The following OSBPL10 variants were observed in gnomAD, a reference collection of about 807,000 sequenced individuals.
OSBPL10 encodes oxysterol-binding protein-related protein 10.
Under a neutral mutation model 81.7 loss-of-function variants are expected in OSBPL10, and 49 were observed. The ratio of observed to expected loss-of-function variants is 0.60; its 90% CI spans 0.48 to 0.76. The LOEUF is 0.76. Among genes scored for constraint, OSBPL10 ranks in the 30% least tolerant of loss-of-function variants. The pLI, the probability that OSBPL10 is intolerant of heterozygous loss-of-function variation, is 0.00. For missense variants in OSBPL10, 923 were observed against 987.8 expected (o/e 0.93, Z 0.88); for synonymous variants, 419 against 383.6 (o/e 1.09, Z -1.08).
In OSBPL10 at chr3:31,661,538, G is replaced by A. The variant is rs1394752558; in HGVS notation, c.*534C>T. 2 of 152,220 alleles carry A rather than the reference G, an allele frequency of 1.3e-5. No homozygotes were observed. Among genetic ancestry groups the A allele is most frequent in the Non-Finnish European group, 2.9e-5 (2 of 68,066 alleles). The allele number at this position is 152,220 out of a possible 1,614,324, so 9.4% of individuals were successfully genotyped here. ...CTTGGGCGCGGACAGACAAAACACT[G>A]AGGTGGGGAGGGAGGTGAGAATCAC... On this transcript the variant is annotated 3_prime_UTR_variant, in exon 12 of 12. Coordinates refer to ENST00000396556, the MANE Select transcript of OSBPL10 (RefSeq NM_017784.5).
chr3:31,823,688 T>G (rs1295809950), intron 4 of OSBPL10, among the ~76,000 whole-genome samples: 1 of 152,196 alleles, frequency 6.6e-6, no homozygotes, highest in Non-Finnish European at 1.5e-5. Context: ...TTCCTTAGTA[T>G]ATGAGTATTA....
At chr3:31,954,321 G>A (rs1260928342) in intron 1 of OSBPL10, among the ~76,000 whole-genome samples, 2 of 152,156 alleles carry the variant, frequency 1.3e-5, no homozygotes, top group Non-Finnish European at 2.9e-5. Flanking sequence ...TTTGTGCATT[G>A]CTAACACTAG....
intron 4 of OSBPL10, among the ~76,000 whole-genome samples, chr3:31,778,569 C>T (rs1412634817): frequency 6.6e-6 from 1 of 151,888 alleles, no homozygotes; most frequent in Non-Finnish European, 1.5e-5. Context: ...GTTAAATAGC[C>T]ACACCTAAGA....
chr3:31,915,772 A>C (rs988984232), intron 1 of OSBPL10, among the ~76,000 whole-genome samples: 5 of 151,552 alleles, frequency 3.3e-5, no homozygotes, highest in African/African-American at 1.2e-4. Flanking sequence ...AAAAAAAATT[A>C]TCTGTAACCA....
At chr3:32,022,254 T>A (rs9864682) in intron 2 of OSBPL10, among the ~76,000 whole-genome samples, 12,792 of 152,198 alleles carry the variant, frequency 0.084, 1,433 homozygotes, top group African/African-American at 0.26. Flanking sequence ...ACACTGACAT[T>A]GGGATTTGCA....
chr3:31,749,873 C>A (rs570587414), intron 4 of OSBPL10, among the ~76,000 whole-genome samples: 29 of 151,896 alleles, frequency 1.9e-4, no homozygotes, highest in Middle Eastern at 3.4e-3. Flanking sequence ...TCTTCCCAAA[C>A]CACTTCATTT....
intron 4 of OSBPL10, among the ~76,000 whole-genome samples, chr3:31,788,958 TTTC>T (rs1359483821): frequency 6.6e-6 from 1 of 151,472 alleles, no homozygotes; most frequent in Non-Finnish European, 1.5e-5. Flanking sequence ...TGGATGTTTC[TTTC>T]TTTTTTTTTT....
intron 1 of OSBPL10, among the ~76,000 whole-genome samples, chr3:31,941,746 T>C (rs1199072589): frequency 6.6e-6 from 1 of 152,224 alleles, no homozygotes; most frequent in Admixed American, 6.5e-5. Context: ...AATGGACTAG[T>C]GTTAAATTGC....
At chr3:31,985,008 G>C (rs1698914439), upstream of OSBPL10, among the ~76,000 whole-genome samples, 1 of 152,238 alleles carries the variant, frequency 6.6e-6, no homozygotes. Flanking sequence ...GGAGGCCAAG[G>C]TGGGCGGGTC....
At chr3:31,785,565 G>A (rs1369145875) in intron 4 of OSBPL10, among the ~76,000 whole-genome samples, 1 of 152,084 alleles carries the variant, frequency 6.6e-6, no homozygotes, top group Non-Finnish European at 1.5e-5. Flanking sequence ...TTTTGGACTG[G>A]CAGTCAGGAG....
intron 2 of OSBPL10, among the ~76,000 whole-genome samples, chr3:32,008,445 G>T (rs544212266): frequency 2.6e-5 from 4 of 151,692 alleles, no homozygotes; most frequent in South Asian, 2.1e-4. Context: ...GAGCCACCGC[G>T]TCCAGCCTGA....
intron 6 of OSBPL10, chr3:31,709,130 T>C: frequency 5.4e-6 from 4 of 737,500 alleles, no homozygotes; most frequent in Non-Finnish European, 6.6e-6. Flanking sequence ...CCTTGACAGG[T>C]CCAAGTACAC....
At chr3:31,941,118 T>C (rs540376584) in intron 1 of OSBPL10, among the ~76,000 whole-genome samples, 4 of 152,260 alleles carry the variant, frequency 2.6e-5, no homozygotes, top group South Asian at 4.2e-4. Flanking sequence ...CTCCTCAAGC[T>C]AAACACAGAA....
chr3:31,808,772 A>G (rs1320722677), intron 4 of OSBPL10, among the ~76,000 whole-genome samples: 2 of 152,222 alleles, frequency 1.3e-5, no homozygotes, highest in African/African-American at 2.4e-5. Context: ...ACATTTATTA[A>G]TCATTTGATT....
At chr3:31,705,042 C>T (rs1200844190) in intron 6 of OSBPL10, 1 of 152,210 alleles carries the variant, frequency 6.6e-6, no homozygotes, top group Non-Finnish European at 1.5e-5. Flanking sequence ...GCAGGTGCCC[C>T]AGAAGCTGAG....
chr3:31,861,047 T>C (rs964064205), intron 3 of OSBPL10, among the ~76,000 whole-genome samples: 13 of 152,172 alleles, frequency 8.5e-5, no homozygotes, highest in African/African-American at 1.2e-4. Context: ...TTATTAAATA[T>C]ACATTGCTCT....
chr3:31,845,852 A>C (rs189343023), intron 3 of OSBPL10, among the ~76,000 whole-genome samples: 2 of 152,180 alleles, frequency 1.3e-5, no homozygotes, highest in Non-Finnish European at 2.9e-5. Context: ...ATGGATTGCT[A>C]CCATTTCAGG....
chr3:31,661,022 T>G lies in OSBPL10; in HGVS notation c.*1050A>C, dbSNP rs1380574496. 1 of 152,678 alleles carries G rather than the reference T, an allele frequency of 6.5e-6. No individual in the cohort carries two copies. Among genetic ancestry groups the G allele is most frequent in the Non-Finnish European group, 1.5e-5 (1 of 68,048 alleles). 9.5% of individuals were successfully genotyped at this position (152,678 alleles called of 1,614,324 possible). A position where few individuals can be genotyped will look rare whatever the true frequency, so the allele number is the denominator to read the frequency against. On this transcript the variant is annotated 3_prime_UTR_variant, in exon 12 of 12. Transcript: ENST00000396556. The stretch of plus-strand genomic sequence containing the variant: ...CCAGATATTTCATTTTTTCCTTGCT[T>G]TGTATTTTCGTCACTCCTTTGACCT...
intron 1 of OSBPL10, among the ~76,000 whole-genome samples, chr3:31,961,959 T>C (rs1409715703): frequency 6.6e-6 from 1 of 151,830 alleles, no homozygotes; most frequent in Non-Finnish European, 1.5e-5. Context: ...TGCTTTTTTT[T>C]ATTTTTATTT....
Sources: gnomAD v4.1 joint callset for allele counts (sites outside exome capture counted in the v4.1 genomes callset) on GRCh38, gnomAD v4.1.1 for gene constraint, MANE v1.5 for transcripts, NCBI Gene and HGNC (gene_info 2026-07-23, HGNC 2026-07-21) for gene names.